Variants in LDLRAD4 observed in about 807,000 individuals in gnomAD.
LDLRAD4 encodes the protein low density lipoprotein receptor class A domain containing 4.
Under a neutral mutation model 17.0 loss-of-function variants are expected in LDLRAD4, and 5 were observed. That is an observed-to-expected ratio of 0.29 (90% confidence interval 0.15 to 0.62). The LOEUF (loss-of-function observed/expected upper bound fraction) is 0.62, where lower values mean the gene tolerates loss of function less well. Among genes scored for constraint, LDLRAD4 ranks in the 20% least tolerant of loss-of-function variants. LDLRAD4 has a pLI of 0.84. For missense variants in LDLRAD4, 340 were observed against 424.7 expected (o/e 0.80, Z 1.75); for synonymous variants, 168 against 171.8 (o/e 0.98, Z 0.17).
intron 1 of LDLRAD4, among the ~76,000 whole-genome samples, chr18:13,337,803 G>T (rs2082176762): frequency 1.3e-5 from 2 of 151,044 alleles, no homozygotes; most frequent in African/African-American, 4.9e-5. Flanking sequence ...TGAGGCTGCA[G>T]TTAGCTACGA....
chr18:13,492,904 A>C (rs549677475), intron 3 of LDLRAD4, among the ~76,000 whole-genome samples: 2 of 152,228 alleles, frequency 1.3e-5, no homozygotes, highest in East Asian at 3.9e-4. Context: ...CTGAGGTGGG[A>C]GGATCGCTGT....
intron 1 of LDLRAD4, among the ~76,000 whole-genome samples, chr18:13,344,669 G>T (rs74889360): frequency 0.2 from 30,135 of 152,090 alleles, 3,650 homozygotes; most frequent in South Asian, 0.27. Flanking sequence ...AAATTACCTT[G>T]GGCAGTATGG....
intron 3 of LDLRAD4, among the ~76,000 whole-genome samples, chr18:13,578,921 T>C (rs977016668): frequency 7.1e-6 from 1 of 141,702 alleles, no homozygotes; most frequent in Non-Finnish European, 1.5e-5. Context: ...CCGGGCGCAG[T>C]GGCTCACGCC....
intron 1 of LDLRAD4, among the ~76,000 whole-genome samples, chr18:13,321,398 C>T (rs1323881114): frequency 6.6e-6 from 1 of 152,176 alleles, no homozygotes. Context: ...CTTTTTGTGG[C>T]TATTTAATTC....
chr18:13,396,677 T>A lies in LDLRAD4; in HGVS notation c.40+8915T>A, dbSNP rs182341724. 2.6e-3 allele frequency among the ~76,000 whole-genome samples: 394 copies of A among 152,018 alleles called. 2 individuals carry two copies. Among genetic ancestry groups the A allele is most frequent in the African/African-American group, 8.8e-3 (364 of 41,458 alleles). Reference sequence around the variant, plus strand: ...TGTTTATTTTTTGTAGAGACGGAGTTTTGCCATGTTGCCTAGGTTGGTCTC... The same window carrying A: ...TGTTTATTTTTTGTAGAGACGGAGTATTGCCATGTTGCCTAGGTTGGTCTC... On this transcript the variant is annotated intron_variant, in intron 2 of 5. Transcript: ENST00000359446.
chr18:13,342,477 CTTTTT>C (rs10706515), intron 1 of LDLRAD4, among the ~76,000 whole-genome samples: 7 of 38,702 alleles, frequency 1.8e-4, no homozygotes, highest in East Asian at 8.6e-4. Context: ...GCCTTCCTGT[CTTTTT>C]TTTTTTTTTT....
intron 1 of LDLRAD4, among the ~76,000 whole-genome samples, chr18:13,328,968 G>A (rs1350093684): frequency 6.6e-6 from 1 of 152,108 alleles, no homozygotes; most frequent in Non-Finnish European, 1.5e-5. Flanking sequence ...TTCACTTAAA[G>A]TTTACCTTGG....
chr18:13,308,718 C>T (rs2047058119), intron 1 of LDLRAD4, among the ~76,000 whole-genome samples: 1 of 152,232 alleles, frequency 6.6e-6, no homozygotes, highest in South Asian at 2.1e-4. Flanking sequence ...AACTTTCTCT[C>T]TTGGATTGCT....
chr18:13,605,993 G>A (rs944070548), intron 3 of LDLRAD4, among the ~76,000 whole-genome samples: 2 of 152,158 alleles, frequency 1.3e-5, no homozygotes, highest in Admixed American at 6.5e-5. Context: ...AGCTCCCAGG[G>A]GATGCTGCTG....
chr18:13,349,058 C>T (rs2082883291), intron 1 of LDLRAD4, among the ~76,000 whole-genome samples: 1 of 152,190 alleles, frequency 6.6e-6, no homozygotes, highest in Non-Finnish European at 1.5e-5. Flanking sequence ...TTGGCTCACG[C>T]TCGGTGCGCT....
At chr18:13,636,827 C>T (rs1264718256) in intron 4 of LDLRAD4, among the ~76,000 whole-genome samples, 5 of 147,354 alleles carry the variant, frequency 3.4e-5, no homozygotes, top group African/African-American at 7.7e-5. Context: ...GATGGAGTCT[C>T]GCTCTTGTCG....
intron 4 of LDLRAD4, among the ~76,000 whole-genome samples, chr18:13,627,437 C>T (rs1371027334): frequency 2.0e-5 from 3 of 152,066 alleles, no homozygotes; most frequent in Non-Finnish European, 2.9e-5. Context: ...GGGGACCCTT[C>T]AGTGCCGGGC....
intron 2 of LDLRAD4, among the ~76,000 whole-genome samples, chr18:13,388,424 C>T (rs932105843): frequency 2.0e-5 from 3 of 152,174 alleles, no homozygotes; most frequent in African/African-American, 7.2e-5. Flanking sequence ...GCCTCTGGCT[C>T]CTCGTAGACA....
intron 1 of LDLRAD4, among the ~76,000 whole-genome samples, chr18:13,331,371 G>A (rs1039520099): frequency 1.1e-4 from 17 of 152,194 alleles, no homozygotes; most frequent in African/African-American, 4.1e-4. Flanking sequence ...TGTGTTGATT[G>A]TTGTGTTGTG....
chr18:13,558,052 G>A (rs568514143), intron 3 of LDLRAD4, among the ~76,000 whole-genome samples: 15 of 152,290 alleles, frequency 9.8e-5, no homozygotes, highest in Admixed American at 2.0e-4. Context: ...TTGGAGTAGG[G>A]CGCTCTGGGA....
chr18:13,398,597 C>T lies in LDLRAD4; in HGVS notation c.40+10835C>T, dbSNP rs1004825401. 2.6e-5 allele frequency among the ~76,000 whole-genome samples: 4 copies of T among 152,048 alleles called. No individual in the cohort carries two copies. Among genetic ancestry groups the T allele is most frequent in the Non-Finnish European group, 5.9e-5 (4 of 68,010 alleles). On this transcript the variant is annotated intron_variant, in intron 2 of 5. Coordinates refer to ENST00000359446, the Ensembl canonical transcript of LDLRAD4. The surrounding 1 kb of genome is among the most constrained non-coding windows in gnomAD (Gnocchi z 4.8). ...TGGGTAACGAGGGTCTCAGTTTTGG[C>T]TTAAGGACAGGTTTCGAAGGAGATG... is the stretch of plus-strand genomic sequence containing the variant.
chr18:13,391,412 G>T (rs1216650333), intron 2 of LDLRAD4, among the ~76,000 whole-genome samples: 1 of 152,150 alleles, frequency 6.6e-6, no homozygotes, highest in Non-Finnish European at 1.5e-5. Context: ...TGCCACGTTG[G>T]CAATCCTGTG....
intron 1 of LDLRAD4, among the ~76,000 whole-genome samples, chr18:13,256,329 G>A (rs1234379404): frequency 2.6e-5 from 4 of 152,210 alleles, no homozygotes; most frequent in South Asian, 4.2e-4. Context: ...TTTTAAAATA[G>A]GGTCCCTTTC....
intron 3 of LDLRAD4, among the ~76,000 whole-genome samples, chr18:13,544,361 G>A (rs969043716): frequency 3.3e-5 from 5 of 152,216 alleles, no homozygotes; most frequent in Non-Finnish European, 7.3e-5. Context: ...CAGACGCTGT[G>A]CTTTCCTCCC....
Sources: gnomAD v4.1 joint callset for allele counts (sites outside exome capture counted in the v4.1 genomes callset) on GRCh38, gnomAD v4.1.1 for gene constraint, Gnocchi (gnomAD v3.1) non-coding constraint, MANE v1.5 for transcripts, NCBI Gene and HGNC (gene_info 2026-07-23, HGNC 2026-07-21) for gene names.